Variants in PLEKHG2 observed in about 807,000 individuals in gnomAD.
PLEKHG2 encodes pleckstrin homology and RhoGEF domain containing G2, also known as pleckstrin homology domain-containing family G member 2.
PLEKHG2 carries 71 observed loss-of-function variants against 104.4 expected under a neutral mutation model. The ratio of observed to expected loss-of-function variants is 0.68; its 90% CI spans 0.56 to 0.83. The LOEUF is 0.83. Among genes scored for constraint, PLEKHG2 ranks in the 40% least tolerant of loss-of-function variants. PLEKHG2 has a pLI of 0.00. For synonymous variants in PLEKHG2, 728 were observed against 737.0 expected (o/e 0.99, Z 0.20); for missense variants, 1,730 against 1,809.4 (o/e 0.96, Z 0.80).
Position 39,424,590 on chromosome 19 carries a change from A to G in PLEKHG2, c.3457A>G (p.Thr1153Ala). 6.2e-7 allele frequency: 1 copy of G among 1,614,054 alleles called. No individual in the cohort carries two copies. Among genetic ancestry groups the G allele is most frequent in the Non-Finnish European group, 8.5e-7 (1 of 1,180,008 alleles). The change falls in exon 19 of 19, where the codon ACA becomes GCA. Residue 1153 changes from threonine to alanine, a missense_variant. Physicochemically the swap from Thr to Ala is moderately conservative, Grantham distance 58 (BLOSUM62 0). Coordinates refer to ENST00000425673, the MANE Select transcript of PLEKHG2 (RefSeq NM_022835.3). ...TTPLPLPQVL[T>A]DIWVQALPTS... ...ACCTTTGCCCCTGCCACAAGTCCTCACAGACATCTGGGTCCAAGCCCTCCC... is the reference window on the plus strand; with the variant it reads ...ACCTTTGCCCCTGCCACAAGTCCTCGCAGACATCTGGGTCCAAGCCCTCCC...
In PLEKHG2 at chr19:39,423,199, G is replaced by C. The variant is rs779416748; in HGVS notation, c.2145G>C (p.Gly715=). Residue 715 remains glycine, a synonymous_variant, in exon 18 of 19, where the codon GGG becomes GGC. Coordinates refer to ENST00000425673, the MANE Select transcript of PLEKHG2 (RefSeq NM_022835.3). ...CCACCAGGAGAGAACTGTTTTCTGG[G>C]AGCAATCCTGGGAAACTGGGAGAGC... ...APATRRELFS[G]SNPGKLGEPP... 2.9e-5 allele frequency: 46 copies of C among 1,612,584 alleles called. No individual in the cohort carries two copies. The highest frequency in any genetic ancestry group is 3.6e-5 in the Non-Finnish European group (42 of 1,178,956).
Position 39,415,511 on chromosome 19 carries a change from G to A in PLEKHG2, c.479+72G>A. 3 of 1,509,246 alleles carry A rather than the reference G, an allele frequency of 2.0e-6. No homozygotes were observed. Among genetic ancestry groups the A allele is most frequent in the South Asian group, 1.2e-5 (1 of 83,572 alleles). 93.5% of individuals were successfully genotyped at this position (1,509,246 alleles called of 1,614,324 possible). On this transcript the variant is annotated intron_variant, in intron 4 of 18. Coordinates refer to ENST00000425673, the MANE Select transcript of PLEKHG2 (RefSeq NM_022835.3). The surrounding 1 kb of genome is among the most constrained non-coding windows in gnomAD (Gnocchi z 4.6). ...TCTATTTCCTAATCCAAACCTCGGA[G>A]CTTCGTAGTGTCCTGTCCAGGCTGG...
In PLEKHG2 at chr19:39,415,014, C is replaced by T. The variant is rs765182573; in HGVS notation, c.132C>T (p.Ala44=). The change falls in exon 3 of 19, where the codon GCC becomes GCT. Residue 44 remains alanine, a synonymous_variant. Transcript: ENST00000425673. The surrounding 1 kb of genome is among the most constrained non-coding windows in gnomAD (Gnocchi z 4.6). ...CAGCTCCTGCAGCCCCCACCATGGC[C>T]TCCCCCCGAGGTTCTGGGAGCTCCA... The part of the protein sequence containing the change: ...TRTAPAAPTM[A]SPRGSGSSTS... The T allele has an allele frequency of 1.3e-6, 2 of 1,597,010 alleles. No homozygotes were observed. Among genetic ancestry groups the T allele is most frequent in the Non-Finnish European group, 1.7e-6 (2 of 1,170,038 alleles).
chr19:39,417,152 G>A, intron 7 of PLEKHG2, 152 bp downstream of exon 7: 1 of 906,958 alleles, frequency 1.1e-6, no homozygotes, highest in Non-Finnish European at 1.6e-6. Flanking sequence ...CACAGCCCTA[G>A]CTTTTTTTTT....
intron 11 of PLEKHG2, among the ~76,000 whole-genome samples, chr19:39,419,879 CAAA>C (rs993515390): frequency 1.0e-5 from 1 of 100,188 alleles, no homozygotes. Flanking sequence ...GCCTCTGTCT[CAAA>C]AAAAAAAAAG....
At chr19:39,417,738 A>AGGGGGGGGGGGGGG in intron 8 of PLEKHG2, 46 bp downstream of exon 8, 1 of 241,784 alleles carries the variant, frequency 4.1e-6, no homozygotes, top group Non-Finnish European at 6.9e-6. Flanking sequence ...GGAGTGAGCG[A>AGGGGGGGGGGGGGG]GGGGGCCTTG....
Position 39,425,514 on chromosome 19 carries a change from C to G in PLEKHG2, c.*220C>G, listed in dbSNP as rs2078771832. The G allele has an allele frequency of 2.9e-6, 2 of 698,474 alleles. No homozygotes were observed. The highest frequency in any genetic ancestry group is 6.4e-5 in the East Asian group (2 of 31,324). The allele number at this position is 698,474 out of a possible 1,614,324, so 43.3% of individuals were successfully genotyped here. On this transcript the variant is annotated 3_prime_UTR_variant, in exon 19 of 19. Transcript: ENST00000425673. ...TTTTGTTAATACTGATTCTTTCATGCAATGATGTGTATTTTCCCATTCTGG... is the reference window on the plus strand; with the variant it reads ...TTTTGTTAATACTGATTCTTTCATGGAATGATGTGTATTTTCCCATTCTGG...
Position 39,423,151 on chromosome 19 carries a change from G to A in PLEKHG2, c.2097G>A (p.Leu699=), listed in dbSNP as rs1350866282. The change falls in exon 18 of 19, where the codon CTG becomes CTA. Residue 699 remains leucine, a synonymous_variant. Coordinates refer to ENST00000425673, the MANE Select transcript of PLEKHG2 (RefSeq NM_022835.3). ...LSCDSWLQGP[L]QEPAEAPATR... is the part of the protein sequence containing the mutation. ...GTGACTCCTGGCTCCAAGGGCCTCT[G>A]CAGGAACCAGCTGAGGCTCCAGCCA... 1 of 1,613,554 alleles carries A rather than the reference G, an allele frequency of 6.2e-7. No individual in the cohort carries two copies. Among genetic ancestry groups the A allele is most frequent in the East Asian group, 2.2e-5 (1 of 44,874 alleles).
At chr19:39,422,007 A>G in intron 16 of PLEKHG2, 108 bp from the exon 17 acceptor site, 28 of 1,093,372 alleles carry the variant, frequency 2.6e-5, no homozygotes, top group African/African-American at 3.3e-5. Flanking sequence ...ACAGAGCGAG[A>G]CTCCATCTCA....
At position 39,423,475 on chromosome 19, in the gene PLEKHG2, C is replaced by G. The variant is rs1324138583; in HGVS notation, c.2421C>G (p.Ala807=). 1 of 1,599,730 alleles carries G rather than the reference C, an allele frequency of 6.3e-7. No individual in the cohort carries two copies. Residue 807 remains alanine (A), a synonymous_variant, in exon 18 of 19, where the codon GCC becomes GCG. Transcript: ENST00000425673. ...ACAGCGGGAGCGGGAAGGCAGGAGCCCCGAGTTCAGAAAGGACGGCGTCCC... is the reference window on the plus strand; with the variant it reads ...ACAGCGGGAGCGGGAAGGCAGGAGCGCCGAGTTCAGAAAGGACGGCGTCCC... ...GGDSGSGKAG[A]PSSERTASRV...
In PLEKHG2 at chr19:39,416,927, G is replaced by T; in HGVS notation, c.671G>T (p.Arg224Leu). 2 of 1,613,266 alleles carry T rather than the reference G, an allele frequency of 1.2e-6. No homozygotes were observed. Among genetic ancestry groups the T allele is most frequent in the South Asian group, 2.2e-5 (2 of 91,078 alleles). Reference sequence around the variant, plus strand: ...CTGCAGGAGCGCCAGGCCCAGCTTCGCCACTCGCTGCCCCTGCAGAGCTTC... The same window carrying T: ...CTGCAGGAGCGCCAGGCCCAGCTTCTCCACTCGCTGCCCCTGCAGAGCTTC... ...LWLQERQAQL[R>L]HSLPLQSFLL... Residue 224 changes from arginine to leucine, a missense_variant, in exon 7 of 19, where the codon CGC becomes CTC. Transcript: ENST00000425673. The surrounding 1 kb of genome is among the most constrained non-coding windows in gnomAD (Gnocchi z 4.5).
rs1332507663 is a variant in PLEKHG2 at position 39,423,654 on chromosome 19, G to A, written c.2599+1G>A. 5 of 1,544,666 alleles carry A rather than the reference G, an allele frequency of 3.2e-6. No homozygotes were observed. The highest frequency in any genetic ancestry group is 4.4e-6 in the Non-Finnish European group (5 of 1,145,712). ...CTGCCCCAGGAGCAGGCAGAGCCAG[G>A]TGAGGTCCGGGTACGTGGTTGGCAG... On this transcript the variant is annotated splice_donor_variant, in intron 18 of 18. Transcript: ENST00000425673. LOFTEE classifies it high-confidence loss of function.
At chr19:39,417,068 A>C (rs1003397316) in intron 7 of PLEKHG2, 68 bp downstream of exon 7, 78 of 1,497,076 alleles carry the variant, frequency 5.2e-5, no homozygotes, top group Non-Finnish European at 6.8e-5. Context: ...CTGTTGGTTC[A>C]TCTGGAGGAT....
At position 39,424,265 on chromosome 19, in the gene PLEKHG2, C is replaced by T. The variant is rs553732817; in HGVS notation, c.3132C>T (p.His1044=). 6 of 1,614,172 alleles carry T rather than the reference C, an allele frequency of 3.7e-6. No individual in the cohort carries two copies. In the East Asian group the frequency reaches 1.3e-4, roughly 36 times the overall value. The change falls in exon 19 of 19, where the codon CAC becomes CAT. Residue 1044 remains histidine (H), a synonymous_variant. Transcript: ENST00000425673. ...VTTPVPKQEG[H]LDSESPTNIP... Reference sequence around the variant, plus strand: ...CCCCTGTGCCCAAGCAAGAAGGTCACCTAGACAGCGAGAGCCCAACCAATA... The same window carrying T: ...CCCCTGTGCCCAAGCAAGAAGGTCATCTAGACAGCGAGAGCCCAACCAATA...
rs1003474414 is a variant in PLEKHG2 at position 39,415,834 on chromosome 19, T to C, written c.479+395T>C. ...GCTCACGATGAATCCAAGAATCATATGGGGCCTGAAGGCCGAGACAGCGTG... is the reference window on the plus strand; with the variant it reads ...GCTCACGATGAATCCAAGAATCATACGGGGCCTGAAGGCCGAGACAGCGTG... On this transcript the variant is annotated intron_variant, in intron 4 of 18. Coordinates refer to ENST00000425673, the MANE Select transcript of PLEKHG2 (RefSeq NM_022835.3). The surrounding 1 kb of genome is among the most constrained non-coding windows in gnomAD (Gnocchi z 4.6). Among the ~76,000 whole-genome samples the C allele has an allele frequency of 6.6e-6, 1 of 152,108 alleles. No homozygotes were observed. Among genetic ancestry groups the C allele is most frequent in the Non-Finnish European group, 1.5e-5 (1 of 67,992 alleles).
Position 39,416,798 on chromosome 19 carries a change from G to T in PLEKHG2, c.594-52G>T. 1 of 1,518,502 alleles carries T rather than the reference G, an allele frequency of 6.6e-7. No homozygotes were observed. Among genetic ancestry groups the T allele is most frequent in the Non-Finnish European group, 8.9e-7 (1 of 1,124,658 alleles). The allele number at this position is 1,518,502 out of a possible 1,614,324, so 94.1% of individuals were successfully genotyped here. ...CCCTGGCCCCTCCCTAACCCCTCTT[G>T]ACCCCGCCCACTGGAACTGACAATC... is the stretch of plus-strand genomic sequence containing the variant. On this transcript the variant is annotated intron_variant, in intron 6 of 18. Transcript: ENST00000425673. The surrounding 1 kb of genome is among the most constrained non-coding windows in gnomAD (Gnocchi z 4.5).
intron 8 of PLEKHG2, 30 bp from the exon 9 acceptor site, chr19:39,417,875 G>T (rs766511999): frequency 1.3e-6 from 2 of 1,524,916 alleles, no homozygotes; most frequent in Non-Finnish European, 1.8e-6. Context: ...TTGTCTCTGC[G>T]CCCCGGCGCA....
chr19:39,424,918 C>A lies in PLEKHG2; in HGVS notation c.3785C>A (p.Pro1262His), dbSNP rs1568401511. The stretch of plus-strand genomic sequence containing the variant: ...TCAGACTTGACGCCACCTCATAGTC[C>A]CCCACCTTCCAGCCGTCAGCTCCTG... ...ESSDLTPPHSPPPSSRQLLGP... is the reference protein window; with the variant it reads ...ESSDLTPPHSHPPSSRQLLGP... The change falls in exon 19 of 19, where the codon CCC (proline) becomes CAC (histidine). Residue 1262 changes from proline (P) to histidine (H), a missense_variant. Coordinates refer to ENST00000425673, the MANE Select transcript of PLEKHG2 (RefSeq NM_022835.3). 1 of 1,614,204 alleles carries A rather than the reference C, an allele frequency of 6.2e-7. No individual in the cohort carries two copies.
At position 39,417,822 on chromosome 19, in the gene PLEKHG2, A is replaced by C. The variant is rs554292869; in HGVS notation, c.883-83A>C. The C allele has an allele frequency of 2.5e-5, 38 of 1,496,438 alleles. No homozygotes were observed. The South Asian group carries it at 4.7e-4, about 18-fold the overall frequency. The allele number at this position is 1,496,438 out of a possible 1,614,324, so 92.7% of individuals were successfully genotyped here. On this transcript the variant is annotated intron_variant, in intron 8 of 18. Coordinates refer to ENST00000425673, the MANE Select transcript of PLEKHG2 (RefSeq NM_022835.3). The stretch of plus-strand genomic sequence containing the variant: ...GCTGGGACAGCATGGCCCTGTTGCT[A>C]ACCCCCTGTTTTGGTGTGTATGTGT...
Sources: allele counts gnomAD v4.1 joint callset (sites outside exome capture counted in the v4.1 genomes callset), GRCh38; gene constraint gnomAD v4.1.1; non-coding constraint Gnocchi (gnomAD v3.1); transcripts MANE v1.5; gene names NCBI Gene and HGNC (gene_info 2026-07-23, HGNC 2026-07-21).